Variants in CHCHD3 observed in about 807,000 individuals in gnomAD.
CHCHD3 encodes the protein MICOS complex subunit MIC19.
Under a neutral mutation model 38.2 loss-of-function variants are expected in CHCHD3, and 20 were observed. That is an observed-to-expected ratio of 0.52 (90% confidence interval 0.37 to 0.76). CHCHD3 has a LOEUF of 0.76. Among genes scored for constraint, CHCHD3 ranks in the 30% least tolerant of loss-of-function variants. The pLI is 0.00. For synonymous variants in CHCHD3, 82 were observed against 100.0 expected (o/e 0.82, Z 1.07); for missense variants, 245 against 279.2 (o/e 0.88, Z 0.87).
At chr7:132,798,748 T>G (rs1201900045) in intron 6 of CHCHD3, among the ~76,000 whole-genome samples, 1 of 152,170 alleles carries the variant, frequency 6.6e-6, no homozygotes, top group Non-Finnish European at 1.5e-5. Context: ...ATCCACACAC[T>G]GCATGTCATA....
chr7:132,939,512 A>G (rs1195333066), intron 4 of CHCHD3, among the ~76,000 whole-genome samples: 2 of 152,236 alleles, frequency 1.3e-5, no homozygotes, highest in Non-Finnish European at 2.9e-5. Flanking sequence ...AACAGGCTAT[A>G]CTATTTAGCC....
chr7:132,847,906 C>T (rs1808121518), intron 5 of CHCHD3, among the ~76,000 whole-genome samples: 1 of 152,150 alleles, frequency 6.6e-6, no homozygotes, highest in Admixed American at 6.5e-5. Context: ...GAGATTAGGG[C>T]ATGACTATGT....
chr7:132,802,043 C>G (rs1806806683), intron 6 of CHCHD3, among the ~76,000 whole-genome samples: 1 of 152,158 alleles, frequency 6.6e-6, no homozygotes, highest in African/African-American at 2.4e-5. Flanking sequence ...CAACAGTACT[C>G]TATATACACA....
intron 2 of CHCHD3, among the ~76,000 whole-genome samples, chr7:133,060,803 G>A (rs1252013165): frequency 1.3e-5 from 2 of 152,194 alleles, no homozygotes; most frequent in Non-Finnish European, 2.9e-5. Flanking sequence ...CCAGTTACTC[G>A]GGAGGCTGAG....
At chr7:132,817,533 TTG>T (rs748045366) in intron 6 of CHCHD3, among the ~76,000 whole-genome samples, 6 of 152,172 alleles carry the variant, frequency 3.9e-5, no homozygotes, top group Non-Finnish European at 8.8e-5. Context: ...CTTGGAGCTA[TTG>T]CAGATATTCA....
intron 4 of CHCHD3, among the ~76,000 whole-genome samples, chr7:132,907,095 T>C (rs900758757): frequency 6.6e-6 from 1 of 152,180 alleles, no homozygotes; most frequent in African/African-American, 2.4e-5. Context: ...AAGAACAAAA[T>C]AAACTTAATA....
chr7:133,066,486 C>T (rs2117531274), intron 2 of CHCHD3, among the ~76,000 whole-genome samples: 1 of 152,132 alleles, frequency 6.6e-6, no homozygotes, highest in South Asian at 2.1e-4. Context: ...AACTCCTGAC[C>T]TCAGGTGATC....
intron 6 of CHCHD3, among the ~76,000 whole-genome samples, chr7:132,817,957 T>C (rs191098847): frequency 6.6e-5 from 10 of 152,078 alleles, no homozygotes; most frequent in African/African-American, 1.9e-4. Context: ...TGGAGAAATA[T>C]GTGCTAACCC....
intron 5 of CHCHD3, among the ~76,000 whole-genome samples, chr7:132,854,933 T>C (rs967464972): frequency 1.3e-5 from 2 of 152,200 alleles, no homozygotes; most frequent in African/African-American, 2.4e-5. Context: ...GGTTGAGTCT[T>C]GGACTGTCCA....
intron 4 of CHCHD3, among the ~76,000 whole-genome samples, chr7:132,904,263 A>C (rs2117208189): frequency 6.6e-6 from 1 of 151,810 alleles, no homozygotes; most frequent in African/African-American, 2.4e-5. Context: ...CTTTGTGTCT[A>C]GAAAAAAAAA....
At chr7:132,890,113 T>C (rs904334235) in intron 4 of CHCHD3, among the ~76,000 whole-genome samples, 2 of 152,122 alleles carry the variant, frequency 1.3e-5, no homozygotes, top group African/African-American at 4.8e-5. Context: ...CTTAAGTGGA[T>C]CATTATGGAA....
intron 2 of CHCHD3, chr7:133,034,704 C>G (rs759579932): frequency 1.9e-5 from 31 of 1,613,212 alleles, no homozygotes; most frequent in Non-Finnish European, 2.5e-5. Context: ...GGTCTCCTCT[C>G]TGCCAGGATC....
chr7:132,856,562 C>T (rs4142405), intron 5 of CHCHD3, among the ~76,000 whole-genome samples: 1 of 152,182 alleles, frequency 6.6e-6, no homozygotes, highest in Non-Finnish European at 1.5e-5. Flanking sequence ...GCAATAACCA[C>T]GCTGTGTCTG....
At chr7:132,867,502 T>A (rs779566066) in intron 5 of CHCHD3, among the ~76,000 whole-genome samples, 14 of 152,128 alleles carry the variant, frequency 9.2e-5, no homozygotes, top group Non-Finnish European at 1.8e-4. Flanking sequence ...CTTACAGAGG[T>A]AGGTTTTTGA....
chr7:132,804,325 G>A lies in CHCHD3; in HGVS notation c.525-7748C>T, dbSNP rs370937301. Reference sequence around the variant, plus strand: ...TGCTGTTGGGTAGTATGCAAGCTGCGTTCTGTGCAGAAATATAAGTGGGCA... The same window carrying A: ...TGCTGTTGGGTAGTATGCAAGCTGCATTCTGTGCAGAAATATAAGTGGGCA... On this transcript the variant is annotated intron_variant, in intron 6 of 7. Transcript: ENST00000262570. Among the ~76,000 whole-genome samples the A allele has an allele frequency of 9.9e-5, 15 of 152,222 alleles. No homozygotes were observed. The East Asian group carries it at 1.5e-3, about 16-fold the overall frequency.
intron 4 of CHCHD3, chr7:132,973,693 G>A (rs1585688751): frequency 7.8e-6 from 8 of 1,025,318 alleles, no homozygotes; most frequent in Middle Eastern, 4.9e-4. Context: ...CATTACGCAT[G>A]GACTTCCTTT....
chr7:133,049,156 T>A (rs940438050), intron 2 of CHCHD3, among the ~76,000 whole-genome samples: 3 of 152,178 alleles, frequency 2.0e-5, no homozygotes, highest in Non-Finnish European at 4.4e-5. Context: ...ACACAAATAT[T>A]TTCTTCTGAA....
chr7:132,918,451 G>GT (rs746871875), intron 4 of CHCHD3, among the ~76,000 whole-genome samples: 3 of 152,168 alleles, frequency 2.0e-5, no homozygotes, highest in Non-Finnish European at 4.4e-5. Flanking sequence ...ATCGAGACCA[G>GT]TAAGTGAAAA....
intron 4 of CHCHD3, among the ~76,000 whole-genome samples, chr7:132,953,179 G>A (rs752200588): frequency 1.2e-4 from 18 of 152,150 alleles, no homozygotes; most frequent in South Asian, 2.1e-4. Flanking sequence ...AACTTTCCGC[G>A]GCCTTACTAA....
Sources: gnomAD v4.1 joint callset for allele counts (sites outside exome capture counted in the v4.1 genomes callset) on GRCh38, gnomAD v4.1.1 for gene constraint, MANE v1.5 for transcripts, NCBI Gene and HGNC (gene_info 2026-07-23, HGNC 2026-07-21) for gene names.